The following ROBO1 variants were observed in gnomAD, a reference collection of about 807,000 sequenced individuals.
The protein encoded by ROBO1 is roundabout homolog 1.
Under a neutral mutation model 195.9 loss-of-function variants are expected in ROBO1, and 149 were observed. The observed-to-expected ratio is 0.76, with a 90% CI of 0.67 to 0.87. ROBO1 has a LOEUF of 0.87. ROBO1 is among the 40% of genes least tolerant of loss of function. The probability of loss-of-function intolerance (pLI) is 0.00; values close to 1 mark genes in which losing one functional copy is unlikely to be tolerated. For missense variants in ROBO1, 1,933 were observed against 2,068.3 expected (o/e 0.93, Z 1.27); for synonymous variants, 816 against 733.2 (o/e 1.11, Z -1.82).
intron 4 of ROBO1, among the ~76,000 whole-genome samples, chr3:78,894,634 A>G (rs2037123061): frequency 6.6e-6 from 1 of 152,238 alleles, no homozygotes; most frequent in African/African-American, 2.4e-5. Context: ...CTGAAAAACC[A>G]ATTAGGTTAA....
intron 28 of ROBO1, 35 bp from the exon 29 acceptor site, chr3:78,607,076 T>C: frequency 1.9e-6 from 3 of 1,559,508 alleles, no homozygotes; most frequent in Non-Finnish European, 2.6e-6. Flanking sequence ...ACTGTAAAAG[T>C]CTGCTGCTTA....
intron 10 of ROBO1, among the ~76,000 whole-genome samples, chr3:78,672,263 A>C (rs141145909): frequency 1.3e-3 from 199 of 152,040 alleles, no homozygotes; most frequent in African/African-American, 4.4e-3. Context: ...ACAACAACAA[A>C]AAAAACTATT....
chr3:79,429,970 C>A (rs1204195921), intron 2 of ROBO1, among the ~76,000 whole-genome samples: 1 of 151,670 alleles, frequency 6.6e-6, no homozygotes, highest in Non-Finnish European at 1.5e-5. Context: ...AATTGTTATA[C>A]CTTCTTCTTT....
At chr3:79,252,276 T>C (rs2082745306) in intron 2 of ROBO1, among the ~76,000 whole-genome samples, 1 of 152,060 alleles carries the variant, frequency 6.6e-6, no homozygotes, top group African/African-American at 2.4e-5. Flanking sequence ...TATTTGGAAA[T>C]AGGGTGTTGG....
In ROBO1 at chr3:79,660,297, G is replaced by A. The variant is rs576826054; in HGVS notation, c.-50-70336C>T. Among the ~76,000 whole-genome samples the A allele has an allele frequency of 2.0e-5, 3 of 151,646 alleles. No homozygotes were observed. In the East Asian group the frequency reaches 5.9e-4, roughly 30 times the overall value. On this transcript the variant is annotated intron_variant, in intron 1 of 30. Coordinates refer to ENST00000464233, the MANE Select transcript of ROBO1 (RefSeq NM_002941.4). ...GTCACGACTAAAATGCCAGCTCAAA[G>A]GCTATACATTAGTGGGTGAGGTGCC... is the stretch of plus-strand genomic sequence containing the variant.
intron 2 of ROBO1, among the ~76,000 whole-genome samples, chr3:79,243,713 G>A (rs1472864072): frequency 1.3e-5 from 2 of 152,054 alleles, no homozygotes; most frequent in East Asian, 1.9e-4. Flanking sequence ...TGAGTTCATC[G>A]TAGATTCTGG....
Position 78,717,351 on chromosome 3 carries a change from A to C in ROBO1, c.841T>G (p.Phe281Val). Reference sequence around the variant, plus strand: ...GGGTCACCTCGGGCCTCACATTTAAATTCTGCACTGTCATCCACAGTTACT... The same window carrying C: ...GGGTCACCTCGGGCCTCACATTTAACTTCTGCACTGTCATCCACAGTTACT... ...LAVTVDDSAE[F>V]KCEARGDPVP... is the part of the protein sequence containing the mutation. Residue 281 changes from phenylalanine (F) to valine (V), a missense_variant, in exon 7 of 31, where the codon TTT becomes GTT. Phe to Val is a conservative substitution (Grantham distance 50). This residue lies in a region of ROBO1 where 1,737 missense variants were observed against 1,882.5 expected (regional missense o/e 0.92). Coordinates refer to ENST00000464233, the MANE Select transcript of ROBO1 (RefSeq NM_002941.4). 6.2e-7 allele frequency: 1 copy of C among 1,613,358 alleles called. No individual in the cohort carries two copies. Among genetic ancestry groups the C allele is most frequent in the Non-Finnish European group, 8.5e-7 (1 of 1,179,598 alleles).
intron 2 of ROBO1, among the ~76,000 whole-genome samples, chr3:79,165,756 T>C (rs2081052405): frequency 6.6e-6 from 1 of 152,200 alleles, no homozygotes; most frequent in African/African-American, 2.4e-5. Flanking sequence ...GATGGTTCTT[T>C]TGATATGTCA....
chr3:78,617,519 A>C, intron 27 of ROBO1, 116 bp downstream of exon 27: 1 of 1,147,000 alleles, frequency 8.7e-7, no homozygotes, highest in Non-Finnish European at 1.2e-6. Flanking sequence ...AAAAAAAAAA[A>C]AACTGTAAGA....
chr3:79,536,760 A>G (rs1278689602), intron 2 of ROBO1, among the ~76,000 whole-genome samples: 4 of 152,174 alleles, frequency 2.6e-5, no homozygotes, highest in Non-Finnish European at 5.9e-5. Context: ...ATTCTATGAT[A>G]AAACTGTAGA....
intron 8 of ROBO1, among the ~76,000 whole-genome samples, chr3:78,702,683 C>A (rs930825747): frequency 1.3e-5 from 2 of 152,172 alleles, no homozygotes; most frequent in African/African-American, 4.8e-5. Context: ...TGACATTTTT[C>A]CACATTGATG....
intron 3 of ROBO1, among the ~76,000 whole-genome samples, chr3:78,981,788 AACACACAC>A (rs375186931): frequency 7.8e-5 from 11 of 140,758 alleles, no homozygotes; most frequent in South Asian, 2.3e-4. Flanking sequence ...GGCCCCTGCC[AACACACAC>A]ACACACACAC....
At chr3:79,136,368 A>G (rs1286820401) in intron 2 of ROBO1, among the ~76,000 whole-genome samples, 1 of 152,192 alleles carries the variant, frequency 6.6e-6, no homozygotes, top group African/African-American at 2.4e-5. Flanking sequence ...TGCCCTACTT[A>G]CTATAAAGTG....
At chr3:79,465,102 G>C (rs1245663660) in intron 2 of ROBO1, among the ~76,000 whole-genome samples, 2 of 152,126 alleles carry the variant, frequency 1.3e-5, no homozygotes, top group Non-Finnish European at 2.9e-5. Flanking sequence ...ATTCAGGCTG[G>C]ACCAACTGCT....
chr3:78,656,345 A>ATTTTTTTTT (rs5850382), intron 18 of ROBO1, among the ~76,000 whole-genome samples: 1 of 88,640 alleles, frequency 1.1e-5, no homozygotes, highest in Non-Finnish European at 2.2e-5. Context: ...TGCTTATTTG[A>ATTTTTTTTT]TTTTTTTTTT....
chr3:79,346,362 T>C (rs1047267701), intron 2 of ROBO1, among the ~76,000 whole-genome samples: 3 of 152,134 alleles, frequency 2.0e-5, no homozygotes, highest in Non-Finnish European at 4.4e-5. Flanking sequence ...TTGTAGAGTC[T>C]GAAACCCAAG....
intron 1 of ROBO1, among the ~76,000 whole-genome samples, chr3:79,752,404 G>A (rs1704167772): frequency 6.6e-6 from 1 of 152,192 alleles, no homozygotes. Context: ...CTGGGTGCCG[G>A]CAATCTATTA....
chr3:78,951,001 T>C (rs2040746926), intron 3 of ROBO1, among the ~76,000 whole-genome samples: 1 of 151,690 alleles, frequency 6.6e-6, no homozygotes, highest in Non-Finnish European at 1.5e-5. Context: ...CCAATATACT[T>C]GAGGGAAAAC....
rs561030494 is a variant in ROBO1 at position 79,127,718 on chromosome 3, A to T, written c.89-2179T>A. Among the ~76,000 whole-genome samples, 247 of 152,320 alleles carry T rather than the reference A, an allele frequency of 1.6e-3. 2 individuals are homozygous for T. The highest frequency in any genetic ancestry group is 5.4e-3 in the African/African-American group (226 of 41,576). Reference sequence around the variant, plus strand: ...TATGAAAGCAAGAGATGAGGAAAATAAATTTACTGTCATTTGAAATGAGAT... The same window carrying T: ...TATGAAAGCAAGAGATGAGGAAAATTAATTTACTGTCATTTGAAATGAGAT... On this transcript the variant is annotated intron_variant, in intron 2 of 30. Coordinates refer to ENST00000464233, the MANE Select transcript of ROBO1 (RefSeq NM_002941.4).
Sources: gnomAD v4.1 joint callset for allele counts (sites outside exome capture counted in the v4.1 genomes callset) on GRCh38, gnomAD v4.1.1 for gene constraint, gnomAD v4.1.1 regional missense constraint, MANE v1.5 for transcripts, NCBI Gene and HGNC (gene_info 2026-07-23, HGNC 2026-07-21) for gene names.